Variants in OTUD5 observed in about 807,000 individuals in gnomAD.
The protein encoded by OTUD5 is OTU deubiquitinase 5.
A neutral mutation model predicts 36.3 loss-of-function variants in OTUD5; 2 were observed. The observed-to-expected ratio is 0.06, with a 90% CI of 0.02 to 0.17. The LOEUF (loss-of-function observed/expected upper bound fraction) is 0.17. Among genes scored for constraint, OTUD5 ranks in the 10% least tolerant of loss-of-function variants. The pLI, the probability that OTUD5 is intolerant of heterozygous loss-of-function variation, is 1.00. For missense variants in OTUD5, 233 were observed against 512.3 expected (o/e 0.45, Z 5.26); for synonymous variants, 234 against 214.9 (o/e 1.09, Z -0.78).
rs918801345 is a variant in OTUD5, at chrX:48,951,545, G to A, written c.594+5432C>T. Among the ~76,000 whole-genome samples the A allele has an allele frequency of 1.1e-4, 12 of 110,537 alleles. 1 individual carries two copies. Among genetic ancestry groups the A allele is most frequent in the Admixed American group, 9.5e-4 (10 of 10,493 alleles). On this transcript the variant is annotated intron_variant, in intron 1 of 8. Coordinates refer to ENST00000376488, the MANE Select transcript of OTUD5 (RefSeq NM_001136157.2). ...CAGGAGAATGGTGTGAACCTGGGAG[G>A]TGGAGGTTGCAGTGAGCCAAGATCG... is the stretch of plus-strand genomic sequence containing the variant.
At chrX:48,957,903 A>C, upstream of OTUD5, 1 of 614,218 alleles carries the variant, frequency 1.6e-6, no homozygotes, top group Non-Finnish European at 2.0e-6. Context: ...ACAGAACCAA[A>C]ACAAGCACCT....
upstream of OTUD5, chrX:48,957,731 C>T (rs868951243): frequency 2.9e-6 from 2 of 700,333 alleles, no homozygotes; most frequent in Middle Eastern, 7.5e-4. Context: ...GCGGAGGAGG[C>T]GGCGGCGGCG....
intron 1 of OTUD5, among the ~76,000 whole-genome samples, chrX:48,948,594 C>T (rs1168118095): frequency 9.0e-6 from 1 of 111,132 alleles, no homozygotes; most frequent in Admixed American, 9.6e-5. Context: ...GTCAAACTGG[C>T]ATCCAGGCTT....
chrX:48,932,825 A>T (rs2063776343), intron 5 of OTUD5, among the ~76,000 whole-genome samples: 1 of 110,738 alleles, frequency 9.0e-6, no homozygotes, highest in Non-Finnish European at 1.9e-5. Flanking sequence ...AAGTTTTTTT[A>T]AAACACTGGC....
intron 2 of OTUD5, among the ~76,000 whole-genome samples, chrX:48,941,154 C>T (rs1257888831): frequency 2.7e-5 from 3 of 111,040 alleles, no homozygotes; most frequent in Admixed American, 1.9e-4. Context: ...GTGTCCTGGC[C>T]GGATGCGGTG....
In OTUD5 at chrX:48,923,048, G is replaced by A; in HGVS notation, c.*126C>T. On this transcript the variant is annotated 3_prime_UTR_variant, in exon 9 of 9. Coordinates refer to ENST00000376488, the MANE Select transcript of OTUD5 (RefSeq NM_001136157.2). ...GGGCTAGCCAGAGGGAAGTGAGGAGGAGGGAAAAGAGGGGAGAGCAGAAAG... is the reference window on the plus strand; with the variant it reads ...GGGCTAGCCAGAGGGAAGTGAGGAGAAGGGAAAAGAGGGGAGAGCAGAAAG... 4 of 1,161,110 alleles carry A rather than the reference G, an allele frequency of 3.4e-6. No homozygotes were observed. The highest frequency in any genetic ancestry group is 4.6e-6 in the Non-Finnish European group (4 of 868,823).
In OTUD5 at chrX:48,951,072, G is replaced by T. The variant is rs782487759; in HGVS notation, c.594+5905C>A. Among the ~76,000 whole-genome samples the T allele has an allele frequency of 3.7e-4, 36 of 97,715 alleles. No individual in the cohort carries two copies. In the East Asian group the frequency reaches 0.011, roughly 30 times the overall value. The allele number at this position is 97,715 out of a possible 115,157, so 84.9% of individuals were successfully genotyped here. A position where few individuals can be genotyped will look rare whatever the true frequency, so the allele number is the denominator to read the frequency against. ...TTAGAATTAAGGCAGCAGGGGCCTG[G>T]AATCTCCCTTCTCACCCTGGGAAAC... On this transcript the variant is annotated intron_variant, in intron 1 of 8. Transcript: ENST00000376488.
rs192202289 is a variant in OTUD5, at chrX:48,946,429, C to T, written c.595-2146G>A. ...CACAACTGAGAGACCCTCAGAAAGT[C>T]CCAGGTGAGTAGCGGGACAGGAGGG... On this transcript the variant is annotated intron_variant, in intron 1 of 8. Transcript: ENST00000376488. 6.3e-5 allele frequency among the ~76,000 whole-genome samples: 7 copies of T among 111,358 alleles called. No individual in the cohort carries two copies. In the East Asian group the frequency reaches 1.7e-3, roughly 27 times the overall value.
chrX:48,951,741 G>C (rs1017091657), intron 1 of OTUD5, among the ~76,000 whole-genome samples: 2 of 112,077 alleles, frequency 1.8e-5, no homozygotes, highest in Non-Finnish European at 3.8e-5. Context: ...CTAGGCCACT[G>C]AGGGCAGGGG....
At position 48,943,397 on chromosome X, in the gene OTUD5, G is replaced by A. The variant is rs148939429; in HGVS notation, c.688+793C>T. Among the ~76,000 whole-genome samples, 10 of 112,065 alleles carry A rather than the reference G, an allele frequency of 8.9e-5. No homozygotes were observed. In the East Asian group the frequency reaches 2.8e-3, roughly 31 times the overall value. On this transcript the variant is annotated intron_variant, in intron 2 of 8. Coordinates refer to ENST00000376488, the MANE Select transcript of OTUD5 (RefSeq NM_001136157.2). The stretch of plus-strand genomic sequence containing the variant: ...ATGTTAAAAAGAAGAGAGTAAGTCT[G>A]TATCTGTCAGAGAAACATACAGAAA...
rs782432323 is a variant in OTUD5, at chrX:48,923,855, C to T, written c.1461G>A (p.Ala487=). The T allele has an allele frequency of 1.8e-5, 22 of 1,209,957 alleles. No individual in the cohort carries two copies. The highest frequency in any genetic ancestry group is 5.2e-5 in the African/African-American group (3 of 57,397). The change falls in exon 7 of 9, where the codon GCG becomes GCA. Residue 487 remains alanine, a synonymous_variant. Transcript: ENST00000376488. ...LALAKPPSPC[A]PGTSSQFSAG... ...CCCTGTGGGCAAGTCACTGACCTGG[C>T]GCACAGGGCGAAGGAGGTTTGGCAA...
intron 5 of OTUD5, among the ~76,000 whole-genome samples, chrX:48,928,104 C>T (rs1461899006): frequency 8.9e-6 from 1 of 112,552 alleles, no homozygotes; most frequent in Non-Finnish European, 1.9e-5. Flanking sequence ...TGGCTAAAAT[C>T]CAACACAATG....
Position 48,923,300 on chromosome X carries a change from TG to T in OTUD5, c.1580-6del. On this transcript the variant is annotated splice_region_variant and splice_polypyrimidine_tract_variant and intron_variant, in intron 8 of 8. Transcript: ENST00000376488. Reference sequence around the variant, plus strand: ...CATCATCCCAGTCATTCAGACCTGCTGGGCGAGAGGAAGAGGAAAAGGATGA... The same window carrying T: ...CATCATCCCAGTCATTCAGACCTGCTGGCGAGAGGAAGAGGAAAAGGATGA... The T allele has an allele frequency of 8.3e-7, 1 of 1,198,753 alleles. No homozygotes were observed. Among genetic ancestry groups the T allele is most frequent in the Non-Finnish European group, 1.1e-6 (1 of 884,571 alleles).
At chrX:48,948,517 G>T (rs1221698651) in intron 1 of OTUD5, among the ~76,000 whole-genome samples, 1 of 111,926 alleles carries the variant, frequency 8.9e-6, no homozygotes, top group Non-Finnish European at 1.9e-5. Context: ...GAATATCCTG[G>T]TTTGTCTCTA....
At chrX:48,954,788 GC>G (rs1210454292) in intron 1 of OTUD5, among the ~76,000 whole-genome samples, 6 of 112,324 alleles carry the variant, frequency 5.3e-5, no homozygotes, top group Non-Finnish European at 9.4e-5. Flanking sequence ...TGAGAAGCAA[GC>G]ATAGCTAGGT....
chrX:48,929,948 C>CA (rs1425964787), intron 5 of OTUD5, among the ~76,000 whole-genome samples: 2 of 107,514 alleles, frequency 1.9e-5, no homozygotes, highest in African/African-American at 6.8e-5. Context: ...ACTAAAAATA[C>CA]AAAAAATTAG....
At chrX:48,932,760 AT>A in intron 5 of OTUD5, among the ~76,000 whole-genome samples, 1 of 111,029 alleles carries the variant, frequency 9.0e-6, no homozygotes, top group East Asian at 2.8e-4. Flanking sequence ...CCTCGGCAAT[AT>A]AGTGAGACCT....
chrX:48,935,150 G>A, intron 2 of OTUD5, 132 bp from the exon 3 acceptor site: 1 of 610,348 alleles, frequency 1.6e-6, no homozygotes, highest in South Asian at 2.7e-5. Flanking sequence ...GGCCTGGAGA[G>A]TTCTTGCCCT....
At chrX:48,950,603 C>G (rs782182246) in intron 1 of OTUD5, among the ~76,000 whole-genome samples, 1 of 94,654 alleles carries the variant, frequency 1.1e-5, no homozygotes, top group South Asian at 5.2e-4. Context: ...AGTGCAGTGG[C>G]GCAATCTCAG....
Sources: allele counts gnomAD v4.1 joint callset (sites outside exome capture counted in the v4.1 genomes callset), GRCh38; gene constraint gnomAD v4.1.1; transcripts MANE v1.5; gene names NCBI Gene and HGNC (gene_info 2026-07-23, HGNC 2026-07-21).